The following HS3ST5 variants were observed in gnomAD, a reference collection of about 807,000 sequenced individuals.
HS3ST5 encodes heparan sulfate-glucosamine 3-sulfotransferase 5.
A neutral mutation model predicts 25.4 loss-of-function variants in HS3ST5; 10 were observed. The ratio of observed to expected loss-of-function variants is 0.39; its 90% CI spans 0.24 to 0.67. HS3ST5 has a LOEUF of 0.67. Ranked by LOEUF, HS3ST5 falls within the 30% of genes least tolerant of loss-of-function variation. The probability of loss-of-function intolerance (pLI) is 0.44; values close to 1 mark genes in which losing one functional copy is unlikely to be tolerated. For synonymous variants in HS3ST5, 170 were observed against 162.4 expected, an observed-to-expected ratio of 1.05 and a Z score of -0.36; for missense variants, 324 against 420.7, an observed-to-expected ratio of 0.77 and a Z score of 2.01.
At chr6:114,226,106 T>G (rs776683010) in intron 2 of HS3ST5, among the ~76,000 whole-genome samples, 1 of 151,968 alleles carries the variant, frequency 6.6e-6, no homozygotes, top group African/African-American at 2.4e-5. Context: ...ACCAGAGAAT[T>G]AAGACATATT....
chr6:114,106,543 C>A (rs1160604698), intron 3 of HS3ST5, among the ~76,000 whole-genome samples: 1 of 152,024 alleles, frequency 6.6e-6, no homozygotes, highest in East Asian at 1.9e-4. Context: ...ACATCTATAA[C>A]AACTTTTATG....
intron 1 of HS3ST5, among the ~76,000 whole-genome samples, chr6:114,313,121 A>C (rs901623324): frequency 6.6e-6 from 1 of 152,026 alleles, no homozygotes; most frequent in African/African-American, 2.4e-5. Flanking sequence ...CATCAGAGAA[A>C]TGAAACTTAA....
intron 1 of HS3ST5, among the ~76,000 whole-genome samples, chr6:114,246,688 C>T (rs1306558194): frequency 6.6e-6 from 1 of 152,232 alleles, no homozygotes; most frequent in Non-Finnish European, 1.5e-5. Flanking sequence ...CCGTCTTCTA[C>T]TCAAAATCAA....
At chr6:114,211,053 T>C (rs907071176) in intron 2 of HS3ST5, among the ~76,000 whole-genome samples, 1 of 152,218 alleles carries the variant, frequency 6.6e-6, no homozygotes, top group Non-Finnish European at 1.5e-5. Context: ...AAACATAATG[T>C]ACTATTTTAG....
chr6:114,234,832 A>G (rs1419421125), intron 1 of HS3ST5, among the ~76,000 whole-genome samples: 1 of 152,200 alleles, frequency 6.6e-6, no homozygotes, highest in Non-Finnish European at 1.5e-5. Context: ...TTATAGCACA[A>G]ACCTTTTATA....
chr6:114,252,267 T>C (rs189879832), intron 1 of HS3ST5, among the ~76,000 whole-genome samples: 55 of 152,344 alleles, frequency 3.6e-4, no homozygotes, highest in Admixed American at 1.3e-3. Flanking sequence ...TTAGAGTTAA[T>C]GTACTGATTC....
intron 3 of HS3ST5, among the ~76,000 whole-genome samples, chr6:114,096,493 A>C (rs1582595973): frequency 6.6e-6 from 1 of 152,170 alleles, no homozygotes; most frequent in African/African-American, 2.4e-5. Context: ...ATGACTGGAA[A>C]GGTTACCAGG....
At chr6:114,146,252 CA>C (rs1429702359) in intron 3 of HS3ST5, among the ~76,000 whole-genome samples, 1 of 152,198 alleles carries the variant, frequency 6.6e-6, no homozygotes, top group Non-Finnish European at 1.5e-5. Context: ...AATCTGCGAG[CA>C]CTGTGAAAGA....
chr6:114,057,101 AAG>A lies in HS3ST5; in HGVS notation c.*154_*155del, dbSNP rs1473340019. The A allele has an allele frequency of 3.6e-6, 2 of 553,514 alleles. No individual in the cohort carries two copies. The highest frequency in any genetic ancestry group is 3.7e-5 in the African/African-American group (2 of 53,410). The allele number at this position is 553,514 out of a possible 1,614,324, so 34.3% of individuals were successfully genotyped here. A position where few individuals can be genotyped will look rare whatever the true frequency, so the allele number is the denominator to read the frequency against. ...TTTTTTCGTAAATTTTCAGTAGAAA[AAG>A]AACTGATCTTATATTTGGTCACACA... On this transcript the variant is annotated 3_prime_UTR_variant, in exon 5 of 5. Transcript: ENST00000312719.
At chr6:114,246,764 C>T (rs562305222) in intron 1 of HS3ST5, among the ~76,000 whole-genome samples, 1 of 152,302 alleles carries the variant, frequency 6.6e-6, no homozygotes, top group Non-Finnish European at 1.5e-5. Context: ...GCACTGTTTA[C>T]CAACTTGTAG....
chr6:114,264,658 T>G (rs73542342), intron 1 of HS3ST5, among the ~76,000 whole-genome samples: 1 of 152,154 alleles, frequency 6.6e-6, no homozygotes, highest in Non-Finnish European at 1.5e-5. Flanking sequence ...TTCATTCCAT[T>G]AAGTAGGGAT....
At chr6:114,204,429 CCTTA>C (rs1328203328) in intron 2 of HS3ST5, among the ~76,000 whole-genome samples, 1 of 152,120 alleles carries the variant, frequency 6.6e-6, no homozygotes, top group Non-Finnish European at 1.5e-5. Context: ...TTATTTTCTT[CCTTA>C]CTAAGTCACA....
intron 2 of HS3ST5, among the ~76,000 whole-genome samples, chr6:114,225,796 T>C (rs2114511006): frequency 6.6e-6 from 1 of 152,094 alleles, no homozygotes; most frequent in East Asian, 1.9e-4. Flanking sequence ...CTGTCACTTT[T>C]ATTTTCTGCT....
At chr6:114,073,266 G>T (rs1335256528) in intron 3 of HS3ST5, among the ~76,000 whole-genome samples, 1 of 152,128 alleles carries the variant, frequency 6.6e-6, no homozygotes, top group Non-Finnish European at 1.5e-5. Flanking sequence ...AAAAGCAATG[G>T]CCACCAAAGC....
chr6:114,257,484 C>G (rs1772982893), intron 1 of HS3ST5, among the ~76,000 whole-genome samples: 1 of 152,210 alleles, frequency 6.6e-6, no homozygotes, highest in Admixed American at 6.5e-5. Context: ...GAAGTAGAAC[C>G]AGCATTTGAA....
intron 2 of HS3ST5, among the ~76,000 whole-genome samples, chr6:114,222,473 T>G (rs1449376265): frequency 6.6e-6 from 1 of 151,876 alleles, no homozygotes; most frequent in Non-Finnish European, 1.5e-5. Context: ...TCAGCTGAAA[T>G]CACTGTACAA....
At chr6:114,309,161 C>A (rs1293473929) in intron 1 of HS3ST5, among the ~76,000 whole-genome samples, 2 of 152,174 alleles carry the variant, frequency 1.3e-5, no homozygotes, top group Non-Finnish European at 2.9e-5. Flanking sequence ...AAAGTGATTT[C>A]TTTGACCACA....
chr6:114,100,761 AT>A (rs1465944945), intron 3 of HS3ST5, among the ~76,000 whole-genome samples: 1 of 152,202 alleles, frequency 6.6e-6, no homozygotes, highest in African/African-American at 2.4e-5. Flanking sequence ...TCAAGAGTCA[AT>A]GGAAAGAAGA....
Position 114,065,263 on chromosome 6 carries a change from A to G in HS3ST5, c.-32-2386T>C, listed in dbSNP as rs189734844. On this transcript the variant is annotated intron_variant, in intron 3 of 4. Transcript: ENST00000312719. Reference sequence around the variant, plus strand: ...CCTGTGATCACACAACTGACAGATAATGTGAAGACAAAGACAGTTACCTAT... The same window carrying G: ...CCTGTGATCACACAACTGACAGATAGTGTGAAGACAAAGACAGTTACCTAT... Among the ~76,000 whole-genome samples the G allele has an allele frequency of 2.6e-5, 4 of 152,354 alleles. No individual in the cohort carries two copies. The East Asian group carries it at 7.7e-4, about 29-fold the overall frequency.
Sources: allele counts gnomAD v4.1 joint callset (sites outside exome capture counted in the v4.1 genomes callset), GRCh38; gene constraint gnomAD v4.1.1; transcripts MANE v1.5; gene names NCBI Gene and HGNC (gene_info 2026-07-23, HGNC 2026-07-21).